Variants in B3GALT1 observed in about 807,000 individuals in gnomAD.
The protein encoded by B3GALT1 is UDP-Gal:betaGlcNAc beta 1,3-galactosyltransferase, polypeptide 1.
Under a neutral mutation model 23.2 loss-of-function variants are expected in B3GALT1, and 10 were observed. The observed-to-expected ratio is 0.43, with a 90% CI of 0.27 to 0.73. The LOEUF is 0.73. Ranked by LOEUF, B3GALT1 falls within the 30% of genes least tolerant of loss-of-function variation. B3GALT1 has a pLI of 0.21. For missense variants in B3GALT1, 299 were observed against 405.4 expected (o/e 0.74, Z 2.25); for synonymous variants, 156 against 141.5 (o/e 1.10, Z -0.73).
At chr2:167,610,345 C>A (rs1281578686) in intron 2 of B3GALT1, among the ~76,000 whole-genome samples, 1 of 152,058 alleles carries the variant, frequency 6.6e-6, no homozygotes, top group Non-Finnish European at 1.5e-5. Flanking sequence ...TTGTAATAAG[C>A]CTTCTCTTAT....
At chr2:167,425,461 C>A (rs1311937057) in intron 1 of B3GALT1, among the ~76,000 whole-genome samples, 2 of 152,164 alleles carry the variant, frequency 1.3e-5, no homozygotes, top group African/African-American at 4.8e-5. Flanking sequence ...GCATTTATCT[C>A]AACTAACAGG....
chr2:167,806,584 T>C (rs555566153), intron 3 of B3GALT1, among the ~76,000 whole-genome samples: 1 of 152,366 alleles, frequency 6.6e-6, no homozygotes, highest in African/African-American at 2.4e-5. Flanking sequence ...ATTGTAGTTT[T>C]TGTCGTTGGT....
chr2:167,672,288 A>C (rs1431485948), intron 3 of B3GALT1, among the ~76,000 whole-genome samples: 1 of 152,140 alleles, frequency 6.6e-6, no homozygotes, highest in African/African-American at 2.4e-5. Flanking sequence ...GCATACCAAC[A>C]CAACCTAAAT....
chr2:167,831,306 G>T (rs1689347268), intron 4 of B3GALT1, among the ~76,000 whole-genome samples: 1 of 152,176 alleles, frequency 6.6e-6, no homozygotes, highest in South Asian at 2.1e-4. Context: ...TTTATACGAG[G>T]TGCATCTGCT....
intron 1 of B3GALT1, among the ~76,000 whole-genome samples, chr2:167,360,897 T>C (rs1697488601): frequency 6.6e-6 from 1 of 152,174 alleles, no homozygotes. Context: ...ACCATCATTC[T>C]ACTCTCTAAC....
chr2:167,586,282 A>G (rs975309498), intron 2 of B3GALT1, among the ~76,000 whole-genome samples: 3 of 152,218 alleles, frequency 2.0e-5, no homozygotes, highest in South Asian at 2.1e-4. Flanking sequence ...ATTTTGCCCA[A>G]TAATGAAAAA....
chr2:167,736,087 A>G (rs1687487661), intron 3 of B3GALT1, among the ~76,000 whole-genome samples: 2 of 152,232 alleles, frequency 1.3e-5, no homozygotes, highest in African/African-American at 4.8e-5. Flanking sequence ...TGTTCAAGTC[A>G]CAGAGCTAGT....
chr2:167,742,071 A>G (rs1687585155), intron 3 of B3GALT1, among the ~76,000 whole-genome samples: 1 of 152,214 alleles, frequency 6.6e-6, no homozygotes, highest in Admixed American at 6.5e-5. Context: ...AGTTTCTACT[A>G]AAGTAATTTA....
intron 2 of B3GALT1, among the ~76,000 whole-genome samples, chr2:167,597,728 T>G (rs112670106): frequency 5.6e-4 from 86 of 152,284 alleles, no homozygotes; most frequent in African/African-American, 2.0e-3. Flanking sequence ...AAAAGTTGAT[T>G]CCAAATCTAG....
At chr2:167,461,348 C>T (rs961082751) in intron 1 of B3GALT1, among the ~76,000 whole-genome samples, 1 of 152,198 alleles carries the variant, frequency 6.6e-6, no homozygotes, top group South Asian at 2.1e-4. Flanking sequence ...AAGTTTCAAA[C>T]CTTCCATAGA....
At chr2:167,818,960 T>C (rs1430016967) in intron 4 of B3GALT1, among the ~76,000 whole-genome samples, 167 bp downstream of exon 4, 1 of 151,992 alleles carries the variant, frequency 6.6e-6, no homozygotes, top group East Asian at 1.9e-4. Context: ...TGCTATAGTA[T>C]GCAAAATATC....
intron 4 of B3GALT1, among the ~76,000 whole-genome samples, chr2:167,843,626 G>GTAC (rs1477372069): frequency 2.0e-5 from 3 of 152,150 alleles, no homozygotes; most frequent in African/African-American, 7.2e-5. Context: ...ACCAAACATG[G>GTAC]TACTGTCTTA....
chr2:167,548,542 C>T (rs1474271088), intron 2 of B3GALT1, among the ~76,000 whole-genome samples: 2 of 152,036 alleles, frequency 1.3e-5, no homozygotes, highest in African/African-American at 2.4e-5. Context: ...GCCTGGAATG[C>T]ATAGGTGTGG....
intron 4 of B3GALT1, among the ~76,000 whole-genome samples, chr2:167,827,217 G>A (rs1689249882): frequency 6.6e-6 from 1 of 152,186 alleles, no homozygotes; most frequent in Non-Finnish European, 1.5e-5. Flanking sequence ...TCAAGTCAGT[G>A]CTTTAAGATT....
chr2:167,792,987 G>A (rs576445136), intron 3 of B3GALT1, among the ~76,000 whole-genome samples: 1 of 151,972 alleles, frequency 6.6e-6, no homozygotes, highest in South Asian at 2.1e-4. Context: ...TCTGAGCTTA[G>A]GACAGAATTT....
chr2:167,788,428 A>G (rs75078294), intron 3 of B3GALT1, among the ~76,000 whole-genome samples: 3 of 152,272 alleles, frequency 2.0e-5, no homozygotes, highest in South Asian at 4.1e-4. Flanking sequence ...TTTTTCTGCA[A>G]CTAGACGGTC....
intron 2 of B3GALT1, among the ~76,000 whole-genome samples, chr2:167,557,021 T>C (rs1683864999): frequency 6.6e-6 from 1 of 152,204 alleles, no homozygotes; most frequent in African/African-American, 2.4e-5. Flanking sequence ...TAAAAACTTG[T>C]GTCTTAAAAC....
Position 167,512,646 on chromosome 2 carries a change from A to G in B3GALT1, c.-410+22369A>G, listed in dbSNP as rs1348471376. ...CGTGTATATATATATACATATATAT[A>G]TATATTTTGAGATAGGGTCTCATTC... is the stretch of plus-strand genomic sequence containing the variant. On this transcript the variant is annotated intron_variant, in intron 2 of 4. Transcript: ENST00000392690. 6.8e-5 allele frequency among the ~76,000 whole-genome samples: 9 copies of G among 132,312 alleles called. No individual in the cohort carries two copies. In the South Asian group the frequency reaches 2.0e-3, roughly 29 times the overall value. The allele number at this position is 132,312 out of a possible 152,430, so 86.8% of individuals were successfully genotyped here. A position where few individuals can be genotyped will look rare whatever the true frequency, so the allele number is the denominator to read the frequency against.
intron 2 of B3GALT1, among the ~76,000 whole-genome samples, chr2:167,623,303 A>G (rs1685291340): frequency 6.6e-6 from 1 of 152,156 alleles, no homozygotes; most frequent in Admixed American, 6.5e-5. Flanking sequence ...ATTCTACTAT[A>G]AAGACACATG....
Sources: gnomAD v4.1 joint callset for allele counts (sites outside exome capture counted in the v4.1 genomes callset) on GRCh38, gnomAD v4.1.1 for gene constraint, MANE v1.5 for transcripts, NCBI Gene and HGNC (gene_info 2026-07-23, HGNC 2026-07-21) for gene names.